CFAP251: variants seen among roughly 807,000 people sequenced by gnomAD.
The protein encoded by CFAP251 is cilia and flagella associated protein 251.
Under a neutral mutation model 126.7 loss-of-function variants are expected in CFAP251, and 93 were observed. That is an observed-to-expected ratio of 0.73 (90% confidence interval 0.62 to 0.87). The LOEUF (loss-of-function observed/expected upper bound fraction) is 0.87. CFAP251 is among the 40% of genes least tolerant of loss of function. The pLI, the probability that CFAP251 is intolerant of heterozygous loss-of-function variation, is 0.00. For synonymous variants in CFAP251, 503 were observed against 506.9 expected, an observed-to-expected ratio of 0.99 and a Z score of 0.10; for missense variants, 1,287 against 1,389.2, an observed-to-expected ratio of 0.93 and a Z score of 1.17.
intron 5 of CFAP251, among the ~76,000 whole-genome samples, chr12:121,941,328 G>A (rs541454545): frequency 3.4e-4 from 36 of 106,758 alleles, no homozygotes; most frequent in African/African-American, 1.7e-3. Flanking sequence ...CACCATGCTG[G>A]CCTTTTTTTT....
At chr12:121,986,073 C>A (rs181454300) in intron 19 of CFAP251, among the ~76,000 whole-genome samples, 14 of 152,160 alleles carry the variant, frequency 9.2e-5, no homozygotes, top group Admixed American at 2.0e-4. Context: ...CTCACTGCAA[C>A]CTCCACCTCC....
intron 14 of CFAP251, among the ~76,000 whole-genome samples, chr12:121,961,401 C>T (rs1405618091): frequency 6.6e-6 from 1 of 150,690 alleles, no homozygotes; most frequent in African/African-American, 2.4e-5. Context: ...TCCATCCATC[C>T]GTCCATCCAC....
At chr12:121,954,782 G>A (rs1293024371) in intron 10 of CFAP251, among the ~76,000 whole-genome samples, 3 of 151,646 alleles carry the variant, frequency 2.0e-5, no homozygotes, top group Admixed American at 6.6e-5. Context: ...CTAAGATCAG[G>A]GATGGGGGTG....
At chr12:121,927,163 C>T (rs928939687) in intron 3 of CFAP251, among the ~76,000 whole-genome samples, 2 of 149,320 alleles carry the variant, frequency 1.3e-5, no homozygotes, top group African/African-American at 5.0e-5. Context: ...GCACATGGCT[C>T]ACATTTAGTT....
At chr12:121,999,565 G>A in intron 19 of CFAP251, 151 bp from the exon 20 acceptor site, 1 of 573,410 alleles carries the variant, frequency 1.7e-6, no homozygotes, top group Non-Finnish European at 3.1e-6. Context: ...CAAACTCCTG[G>A]CCTCAAGTGA....
In CFAP251 at chr12:121,926,670, C is replaced by T. The variant is rs187847529; in HGVS notation, c.747+2680C>T. ...TTAAAACTATTCAGTGTTGGCCGGG[C>T]GCGGTGGCTCACACCTGTAATCCCA... On this transcript the variant is annotated intron_variant, in intron 3 of 21. Transcript: ENST00000288912. Among the ~76,000 whole-genome samples, 48 of 152,244 alleles carry T rather than the reference C, an allele frequency of 3.2e-4. No individual in the cohort carries two copies. In the East Asian group the frequency reaches 6.8e-3, roughly 22 times the overall value.
At position 121,984,548 on chromosome 12, in the gene CFAP251, C is replaced by T. The variant is rs368745450; in HGVS notation, c.3006+8863C>T. 2.6e-4 allele frequency among the ~76,000 whole-genome samples: 39 copies of T among 152,240 alleles called. 1 individual carries two copies. In the South Asian group the frequency reaches 6.4e-3, roughly 25 times the overall value. ...GTCTCAATCTCCTGACCTCCTGATC[C>T]GCCTGCCTTGGCCTCCCAAAGTGCT... On this transcript the variant is annotated intron_variant, in intron 19 of 21. Coordinates refer to ENST00000288912, the MANE Select transcript of CFAP251 (RefSeq NM_144668.6).
At chr12:121,992,850 G>C (rs929538865) in intron 19 of CFAP251, among the ~76,000 whole-genome samples, 1 of 152,110 alleles carries the variant, frequency 6.6e-6, no homozygotes, top group African/African-American at 2.4e-5. Flanking sequence ...GATTACAGGC[G>C]TAAGCCACCC....
chr12:122,003,897 C>T lies in CFAP251; in HGVS notation c.*133C>T. The T allele has an allele frequency of 8.0e-6, 5 of 621,412 alleles. No homozygotes were observed. The highest frequency in any genetic ancestry group is 1.3e-5 in the Non-Finnish European group (5 of 391,890). 38.5% of individuals were successfully genotyped at this position (621,412 alleles called of 1,614,324 possible). On this transcript the variant is annotated 3_prime_UTR_variant, in exon 22 of 22. Transcript: ENST00000288912. The stretch of plus-strand genomic sequence containing the variant: ...TCTTTAGAACATTTAGACATTAAAG[C>T]AAGTTTCTGGTGAGCAATGGAATTC...
At chr12:121,947,159 A>G (rs1451658653) in intron 7 of CFAP251, among the ~76,000 whole-genome samples, 1 of 152,008 alleles carries the variant, frequency 6.6e-6, no homozygotes, top group African/African-American at 2.4e-5. Context: ...TTTCTGCTTC[A>G]GTCTGAATGT....
rs557618905 is a variant in CFAP251, at chr12:121,963,500, A to C, written c.2492+1338A>C. Among the ~76,000 whole-genome samples the C allele has an allele frequency of 3.3e-5, 5 of 151,334 alleles. 1 individual carries two copies. The highest frequency in any genetic ancestry group is 1.2e-4 in the African/African-American group (5 of 41,258). On this transcript the variant is annotated intron_variant, in intron 15 of 21. Transcript: ENST00000288912. Reference sequence around the variant, plus strand: ...GGATGGTTGAAGGCACGAGACGGGGAGGACACCAGCCGGGGAGCAGGGCGT... The same window carrying C: ...GGATGGTTGAAGGCACGAGACGGGGCGGACACCAGCCGGGGAGCAGGGCGT...
chr12:121,919,333 A>G (rs1034931551), intron 1 of CFAP251, among the ~76,000 whole-genome samples: 9 of 152,102 alleles, frequency 5.9e-5, no homozygotes, highest in Admixed American at 4.6e-4. Flanking sequence ...TTTAGGGATA[A>G]AGTATCCATC....
intron 7 of CFAP251, among the ~76,000 whole-genome samples, chr12:121,943,290 G>A (rs1393924880): frequency 1.3e-5 from 2 of 152,134 alleles, no homozygotes; most frequent in Non-Finnish European, 1.5e-5. Flanking sequence ...TCCAGCCTCG[G>A]TGACAAAGTG....
At chr12:121,992,061 T>C (rs534168515) in intron 19 of CFAP251, among the ~76,000 whole-genome samples, 1 of 151,892 alleles carries the variant, frequency 6.6e-6, no homozygotes, top group African/African-American at 2.4e-5. Context: ...TCCAGGTGAA[T>C]GGAATAAAGC....
intron 14 of CFAP251, among the ~76,000 whole-genome samples, chr12:121,961,344 C>T (rs1480639806): frequency 1.6e-5 from 2 of 127,706 alleles, no homozygotes; most frequent in East Asian, 5.5e-4. Context: ...CTCTCCCCTT[C>T]CTTCCTTTAT....
intron 17 of CFAP251, among the ~76,000 whole-genome samples, chr12:121,972,928 C>T (rs1882372769): frequency 6.6e-6 from 1 of 152,180 alleles, no homozygotes; most frequent in African/African-American, 2.4e-5. Context: ...AAGAAAAACC[C>T]ATTTTCTGAG....
chr12:121,968,678 A>G (rs1882234063), intron 17 of CFAP251, among the ~76,000 whole-genome samples: 1 of 152,106 alleles, frequency 6.6e-6, no homozygotes, highest in Admixed American at 6.5e-5. Context: ...TCTACTGGCT[A>G]TGGGGCCTAG....
intron 19 of CFAP251, among the ~76,000 whole-genome samples, chr12:121,980,194 A>C (rs1157423028): frequency 6.6e-6 from 1 of 152,070 alleles, no homozygotes; most frequent in African/African-American, 2.4e-5. Context: ...TCCTTCTTGG[A>C]GTGTGGGGTG....
chr12:121,963,233 G>A (rs376269237), intron 15 of CFAP251, among the ~76,000 whole-genome samples: 149 of 152,266 alleles, frequency 9.8e-4, no homozygotes, highest in African/African-American at 3.0e-3. Context: ...CCGGCAAAGC[G>A]AACAGCGTTT....
Sources: gnomAD v4.1 joint callset for allele counts (sites outside exome capture counted in the v4.1 genomes callset) on GRCh38, gnomAD v4.1.1 for gene constraint, MANE v1.5 for transcripts, NCBI Gene and HGNC (gene_info 2026-07-23, HGNC 2026-07-21) for gene names.